Variants in MON1B observed in about 807,000 individuals in gnomAD.
MON1B encodes the protein MON1 vesicular trafficking associated B.
In MON1B, 26 loss-of-function variants were observed where a neutral mutation model predicts 45.1. That is an observed-to-expected ratio of 0.58 (90% CI 0.42 to 0.80). The LOEUF is 0.80. Among genes scored for constraint, MON1B ranks in the 30% least tolerant of loss-of-function variants. MON1B has a pLI of 0.00. For synonymous variants in MON1B, 395 were observed against 320.2 expected (o/e 1.23, Z -2.49); for missense variants, 737 against 754.5 (o/e 0.98, Z 0.27).
rs2054710377 is a variant in MON1B at position 77,199,743 on chromosome 16, T to C, written c.*1435T>C. 1 of 456,624 alleles carries C rather than the reference T, an allele frequency of 2.2e-6. No individual in the cohort carries two copies. The highest frequency in any genetic ancestry group is 3.9e-6 in the Non-Finnish European group (1 of 258,140). The allele number at this position is 456,624 out of a possible 1,614,324, so 28.3% of individuals were successfully genotyped here. ...CTTTTGTCAACTGTAGTGTATACGT[T>C]GTTGAAAGTAAACAACATGTAGTTC... On this transcript the variant is annotated 3_prime_UTR_variant, in exon 6 of 6. Transcript: ENST00000248248.
In MON1B at chr16:77,191,219, G is replaced by A. The variant is rs1480773371; in HGVS notation, c.-50G>A. 3 of 1,536,442 alleles carry A rather than the reference G, an allele frequency of 2.0e-6. No individual in the cohort carries two copies. In the African/African-American group the frequency reaches 4.1e-5, roughly 21 times the overall value. On this transcript the variant is annotated 5_prime_UTR_variant, in exon 1 of 6. Coordinates refer to ENST00000248248, the MANE Select transcript of MON1B (RefSeq NM_014940.4). ...GTGATGCCACCGCCGCTACGGGGAA[G>A]TAATGGTATCCGGCCAATTGAGATT...
chr16:77,199,271 G>C lies in MON1B; in HGVS notation c.*963G>C. On this transcript the variant is annotated 3_prime_UTR_variant, in exon 6 of 6. Coordinates refer to ENST00000248248, the MANE Select transcript of MON1B (RefSeq NM_014940.4). ...GTGGAGTTACAGCCTCAAGGTTGTA[G>C]CATGTGTGCTGGCAATCAGGGCCGC... The C allele has an allele frequency of 1.6e-6, 1 of 606,134 alleles. No homozygotes were observed. Among genetic ancestry groups the C allele is most frequent in the Non-Finnish European group, 3.0e-6 (1 of 336,196 alleles). 37.5% of individuals were successfully genotyped at this position (606,134 alleles called of 1,614,324 possible). A position where few individuals can be genotyped will look rare whatever the true frequency, so the allele number is the denominator to read the frequency against.
At chr16:77,197,339 T>G (rs1286286659) in intron 5 of MON1B, among the ~76,000 whole-genome samples, 1 of 152,122 alleles carries the variant, frequency 6.6e-6, no homozygotes. Context: ...GAGGTTGCAG[T>G]GAGCCGAGAC....
In MON1B at chr16:77,202,139, G is replaced by A; in HGVS notation, c.*3831G>A. On this transcript the variant is annotated 3_prime_UTR_variant, in exon 6 of 6. Transcript: ENST00000248248. The stretch of plus-strand genomic sequence containing the variant: ...AGGCAAAATGTTGAATGGCACCTGA[G>A]GATCCTATATTCATATTGGATCAGT... 6.6e-6 allele frequency: 1 copy of A among 152,114 alleles called. No individual in the cohort carries two copies. Among genetic ancestry groups the A allele is most frequent in the South Asian group, 2.1e-4 (1 of 4,810 alleles). The allele number at this position is 152,114 out of a possible 1,614,324, so 9.4% of individuals were successfully genotyped here.
In MON1B at chr16:77,191,241, G is replaced by T. The variant is rs759726753; in HGVS notation, c.-28G>T. The T allele has an allele frequency of 7.2e-5, 111 of 1,537,220 alleles. No homozygotes were observed. The highest frequency in any genetic ancestry group is 3.9e-4 in the Admixed American group (20 of 50,988). On this transcript the variant is annotated 5_prime_UTR_variant, in exon 1 of 6. Coordinates refer to ENST00000248248, the MANE Select transcript of MON1B (RefSeq NM_014940.4). ...GAAGTAATGGTATCCGGCCAATTGA[G>T]ATTCGGAGTTAAAACAGGTGTTTGT... is the stretch of plus-strand genomic sequence containing the variant.
intron 2 of MON1B, among the ~76,000 whole-genome samples, chr16:77,192,462 T>C (rs1417508628): frequency 6.6e-6 from 1 of 152,136 alleles, no homozygotes; most frequent in Non-Finnish European, 1.5e-5. Context: ...TGGAAATCAA[T>C]GGGAATAAAT....
chr16:77,199,596 T>C lies in MON1B; in HGVS notation c.*1288T>C, dbSNP rs2054708386. On this transcript the variant is annotated 3_prime_UTR_variant, in exon 6 of 6. Coordinates refer to ENST00000248248, the MANE Select transcript of MON1B (RefSeq NM_014940.4). ...GATTCGTCCCATTACAATAATGAAATAATGATATTCTAATTTTTTTAAATA... is the reference window on the plus strand; with the variant it reads ...GATTCGTCCCATTACAATAATGAAACAATGATATTCTAATTTTTTTAAATA... The C allele has an allele frequency of 2.8e-6, 3 of 1,080,700 alleles. No homozygotes were observed. The highest frequency in any genetic ancestry group is 3.2e-5 in the African/African-American group (2 of 61,958). The allele number at this position is 1,080,700 out of a possible 1,614,324, so 66.9% of individuals were successfully genotyped here. A position where few individuals can be genotyped will look rare whatever the true frequency, so the allele number is the denominator to read the frequency against.
In MON1B at chr16:77,194,113, C is replaced by T. The variant is rs187219664; in HGVS notation, c.476-222C>T. The T allele has an allele frequency of 5.1e-5, 32 of 624,432 alleles. No homozygotes were observed. In the Admixed American group the frequency reaches 8.2e-4, roughly 16 times the overall value. The allele number at this position is 624,432 out of a possible 1,614,324, so 38.7% of individuals were successfully genotyped here. A position where few individuals can be genotyped will look rare whatever the true frequency, so the allele number is the denominator to read the frequency against. ...TCTACCCGCCTGCCCGTGGTCTTTG[C>T]TGTGTATCTAACCTACTTGTTCCTT... On this transcript the variant is annotated intron_variant, in intron 3 of 5. Transcript: ENST00000248248. This position sits in a 1 kb window ranked among gnomAD's most constrained non-coding sequence, Gnocchi z 8.1.
chr16:77,198,305 C>G lies in MON1B; in HGVS notation c.1641C>G (p.Leu547=). The change falls in exon 6 of 6, where the codon CTC becomes CTG. Residue 547 remains leucine (L), a synonymous_variant. Coordinates refer to ENST00000248248, the MANE Select transcript of MON1B (RefSeq NM_014940.4). ...CCCATAATGGCTTGTTCACTGGACT[C>G]TGATAGTTGGAGCTCCCAGACCAGG... ...QAAHNGLFTG[L] 1 of 1,613,996 alleles carries G rather than the reference C, an allele frequency of 6.2e-7. No individual in the cohort carries two copies.
At position 77,199,703 on chromosome 16, in the gene MON1B, T is replaced by G; in HGVS notation, c.*1395T>G. Reference sequence around the variant, plus strand: ...GGAGATAAATTAACAGGCATATTCTTATCACCGAGATTAACTTTTGTCAAC... The same window carrying G: ...GGAGATAAATTAACAGGCATATTCTGATCACCGAGATTAACTTTTGTCAAC... On this transcript the variant is annotated 3_prime_UTR_variant, in exon 6 of 6. Coordinates refer to ENST00000248248, the MANE Select transcript of MON1B (RefSeq NM_014940.4). The G allele has an allele frequency of 1.9e-6, 1 of 533,324 alleles. No individual in the cohort carries two copies. The highest frequency in any genetic ancestry group is 3.3e-6 in the Non-Finnish European group (1 of 302,358). The allele number at this position is 533,324 out of a possible 1,614,324, so 33.0% of individuals were successfully genotyped here. A position where few individuals can be genotyped will look rare whatever the true frequency, so the allele number is the denominator to read the frequency against.
At chr16:77,195,272 A>T (rs2054654115) in intron 4 of MON1B, 118 bp downstream of exon 4, 1 of 1,127,450 alleles carries the variant, frequency 8.9e-7, no homozygotes, top group Admixed American at 2.8e-5. Context: ...AAGAGGGAAG[A>T]GAACAAGTCT....
Position 77,198,421 on chromosome 16 carries a change from T to C in MON1B, c.*113T>C. The C allele has an allele frequency of 8.2e-7, 1 of 1,219,542 alleles. No homozygotes were observed. Among genetic ancestry groups the C allele is most frequent in the South Asian group, 1.4e-5 (1 of 72,574 alleles). The allele number at this position is 1,219,542 out of a possible 1,614,324, so 75.5% of individuals were successfully genotyped here. On this transcript the variant is annotated 3_prime_UTR_variant, in exon 6 of 6. Coordinates refer to ENST00000248248, the MANE Select transcript of MON1B (RefSeq NM_014940.4). ...TGTCTGTGGCCAGTCATTGTCTCCC[T>C]AAGCAATGGGGCAAGGTCTGAGGGC...
rs553789796 is a variant in MON1B, at chr16:77,197,818, C to G, written c.1444-290C>G. 1.6e-3 allele frequency among the ~76,000 whole-genome samples: 242 copies of G among 152,284 alleles called. 2 individuals carry two copies. Among genetic ancestry groups the G allele is most frequent in the African/African-American group, 5.7e-3 (235 of 41,544 alleles). ...GACCTTGTACACAATAGGTTACTGACAGAATATTAAACATTGTTACTGTTT... is the reference window on the plus strand; with the variant it reads ...GACCTTGTACACAATAGGTTACTGAGAGAATATTAAACATTGTTACTGTTT... On this transcript the variant is annotated intron_variant, in intron 5 of 5. Coordinates refer to ENST00000248248, the MANE Select transcript of MON1B (RefSeq NM_014940.4).
chr16:77,191,258 G>T lies in MON1B; in HGVS notation c.-11G>T. 1 of 1,539,514 alleles carries T rather than the reference G, an allele frequency of 6.5e-7. No homozygotes were observed. On this transcript the variant is annotated splice_region_variant and 5_prime_UTR_variant, in exon 1 of 6. In the 5' UTR this introduces an upstream ATG that the reference lacks. Coordinates refer to ENST00000248248, the MANE Select transcript of MON1B (RefSeq NM_014940.4). Reference sequence around the variant, plus strand: ...CCAATTGAGATTCGGAGTTAAAACAGGTGTTTGTATATCTCTATTTCCTGA... The same window carrying T: ...CCAATTGAGATTCGGAGTTAAAACATGTGTTTGTATATCTCTATTTCCTGA...
chr16:77,197,986 G>T, intron 5 of MON1B, 122 bp from the exon 6 acceptor site: 1 of 938,476 alleles, frequency 1.1e-6, no homozygotes, highest in Non-Finnish European at 1.7e-6. Context: ...GCACCTGGTA[G>T]GAGGTGCTGC....
chr16:77,197,419 C>G (rs1373258102), intron 5 of MON1B, among the ~76,000 whole-genome samples: 1 of 152,116 alleles, frequency 6.6e-6, no homozygotes, highest in African/African-American at 2.4e-5. Flanking sequence ...CAAAAACAAA[C>G]AAAATATATG....
Position 77,202,032 on chromosome 16 carries a change from G to A in MON1B, c.*3724G>A, listed in dbSNP as rs1372467980. ...TTTTGGGAGTAGTGCAGAGGTAGAG[G>A]CATTTTTGTGATTTATTGTTCTATT... is the stretch of plus-strand genomic sequence containing the variant. On this transcript the variant is annotated 3_prime_UTR_variant, in exon 6 of 6. Coordinates refer to ENST00000248248, the MANE Select transcript of MON1B (RefSeq NM_014940.4). 6.6e-6 allele frequency: 1 copy of A among 152,108 alleles called. No homozygotes were observed. The highest frequency in any genetic ancestry group is 1.5e-5 in the Non-Finnish European group (1 of 68,028). The allele number at this position is 152,108 out of a possible 1,614,324, so 9.4% of individuals were successfully genotyped here. A position where few individuals can be genotyped will look rare whatever the true frequency, so the allele number is the denominator to read the frequency against.
chr16:77,194,196 A>C lies in MON1B; in HGVS notation c.476-139A>C. The C allele has an allele frequency of 1.3e-6, 1 of 794,534 alleles. No individual in the cohort carries two copies. The highest frequency in any genetic ancestry group is 2.2e-6 in the Non-Finnish European group (1 of 458,850). 49.2% of individuals were successfully genotyped at this position (794,534 alleles called of 1,614,324 possible). ...GATTCCTCCAGCTTGTCCTTACCCCAGTCCAGGTGCCCACAGAGTGAGCAT... is the reference window on the plus strand; with the variant it reads ...GATTCCTCCAGCTTGTCCTTACCCCCGTCCAGGTGCCCACAGAGTGAGCAT... On this transcript the variant is annotated intron_variant, in intron 3 of 5. Transcript: ENST00000248248. The surrounding 1 kb of genome is among the most constrained non-coding windows in gnomAD (Gnocchi z 8.1).
chr16:77,191,313 G>T (rs2054612450), intron 1 of MON1B, 55 bp downstream of exon 1: 2 of 1,526,414 alleles, frequency 1.3e-6, no homozygotes, highest in Non-Finnish European at 1.8e-6. Context: ...TTTTCGGAAA[G>T]TGTTGGAGGG....
Sources: allele counts gnomAD v4.1 joint callset (sites outside exome capture counted in the v4.1 genomes callset), GRCh38; gene constraint gnomAD v4.1.1; non-coding constraint Gnocchi (gnomAD v3.1); transcripts MANE v1.5; gene names NCBI Gene and HGNC (gene_info 2026-07-23, HGNC 2026-07-21).